The following CNTN4 variants were observed in gnomAD, a reference collection of about 807,000 sequenced individuals.
CNTN4 encodes contactin 4.
CNTN4 carries 77 observed loss-of-function variants against 122.5 expected under a neutral mutation model. The observed-to-expected ratio is 0.63, with a 90% CI of 0.52 to 0.76. The LOEUF (loss-of-function observed/expected upper bound fraction) is 0.76, where lower values mean the gene tolerates loss of function less well. CNTN4 is among the 30% of genes least tolerant of loss of function. The pLI is 0.00. For missense variants in CNTN4, 1,256 were observed against 1,259.1 expected, an observed-to-expected ratio of 1.00 and a Z score of 0.04; for synonymous variants, 512 against 447.0, an observed-to-expected ratio of 1.15 and a Z score of -1.83.
At chr3:2,999,381 C>T (rs953853210) in intron 14 of CNTN4, among the ~76,000 whole-genome samples, 5 of 152,170 alleles carry the variant, frequency 3.3e-5, no homozygotes, top group African/African-American at 1.2e-4. Flanking sequence ...TCACATGTTT[C>T]ACCCTGAAAG....
chr3:2,794,211 A>G (rs769834686), intron 6 of CNTN4, among the ~76,000 whole-genome samples: 3 of 152,222 alleles, frequency 2.0e-5, no homozygotes, highest in Non-Finnish European at 4.4e-5. Context: ...ATGTTTCTAC[A>G]TCTGCAAAAA....
chr3:2,533,988 G>A (rs1373320721), intron 3 of CNTN4, among the ~76,000 whole-genome samples: 3 of 150,306 alleles, frequency 2.0e-5, no homozygotes, highest in African/African-American at 7.4e-5. Context: ...TGAGTTCTTT[G>A]TAGATTCTGG....
Position 2,170,388 on chromosome 3 carries a change from A to T in CNTN4, c.-145+69749A>T, listed in dbSNP as rs186211156. ...TTCACAGAAGAAAGAAATACAAAAA[A>T]ATTAGAAGTAAACTTAGGAAACTTA... On this transcript the variant is annotated intron_variant, in intron 2 of 24. Coordinates refer to ENST00000418658, the MANE Select transcript of CNTN4 (RefSeq NM_175607.3). 1.1e-4 allele frequency among the ~76,000 whole-genome samples: 16 copies of T among 152,304 alleles called. No individual in the cohort carries two copies. The East Asian group carries it at 3.1e-3, about 29-fold the overall frequency.
intron 2 of CNTN4, among the ~76,000 whole-genome samples, chr3:2,236,385 T>C (rs6795508): frequency 0.76 from 116,159 of 152,178 alleles, 44,467 homozygotes; most frequent in Middle Eastern, 0.82. Context: ...TAATGCTTGA[T>C]ATAAAGTCTA....
chr3:2,340,434 T>C (rs913017437), intron 3 of CNTN4, among the ~76,000 whole-genome samples: 21 of 151,700 alleles, frequency 1.4e-4, no homozygotes, highest in African/African-American at 5.1e-4. Flanking sequence ...AAAATATTAG[T>C]ATATAATTCT....
intron 4 of CNTN4, among the ~76,000 whole-genome samples, chr3:2,580,007 A>G (rs2149555110): frequency 6.6e-6 from 1 of 151,516 alleles, no homozygotes; most frequent in African/African-American, 2.4e-5. Flanking sequence ...ATACCTATGC[A>G]GAACAAATAC....
chr3:2,664,432 G>C (rs556306014), intron 4 of CNTN4, among the ~76,000 whole-genome samples: 35 of 151,994 alleles, frequency 2.3e-4, no homozygotes, highest in Admixed American at 9.8e-4. Flanking sequence ...CCTTAAGTAA[G>C]TCTAGATTTT....
intron 8 of CNTN4, among the ~76,000 whole-genome samples, chr3:2,868,936 C>T (rs1334460979): frequency 3.9e-5 from 6 of 151,908 alleles, no homozygotes; most frequent in Non-Finnish European, 5.9e-5. Flanking sequence ...AGCAAGAAAC[C>T]GGCCCTCTTA....
chr3:2,607,035 T>G (rs1453400356), intron 4 of CNTN4, among the ~76,000 whole-genome samples: 1 of 152,188 alleles, frequency 6.6e-6, no homozygotes, highest in Non-Finnish European at 1.5e-5. Context: ...CCCAGGTTTT[T>G]AGGACACATT....
intron 2 of CNTN4, among the ~76,000 whole-genome samples, chr3:2,211,425 A>T (rs1002414372): frequency 2.0e-5 from 3 of 152,154 alleles, no homozygotes; most frequent in African/African-American, 7.2e-5. Context: ...GTAGGTTCAG[A>T]GCAAACTTTT....
At chr3:2,295,416 C>A (rs1241447064) in intron 2 of CNTN4, among the ~76,000 whole-genome samples, 1 of 135,504 alleles carries the variant, frequency 7.4e-6, no homozygotes, top group Non-Finnish European at 1.6e-5. Flanking sequence ...ATTTGCATTT[C>A]TCTGATATCC....
intron 23 of CNTN4, among the ~76,000 whole-genome samples, chr3:3,051,210 AGTAGTCTATAATATTT>A (rs926718045): frequency 6.6e-6 from 1 of 152,180 alleles, no homozygotes; most frequent in African/African-American, 2.4e-5. Context: ...AAATAGTGGA[AGTAGTCTATAATATTT>A]GCTATTATCA....
chr3:2,616,736 A>C lies in CNTN4; in HGVS notation c.55+45178A>C, dbSNP rs116693144. Among the ~76,000 whole-genome samples the C allele has an allele frequency of 5.6e-3, 857 of 152,312 alleles. 6 individuals carry two copies. Among genetic ancestry groups the C allele is most frequent in the African/African-American group, 0.02 (830 of 41,570 alleles). On this transcript the variant is annotated intron_variant, in intron 4 of 24. Coordinates refer to ENST00000418658, the MANE Select transcript of CNTN4 (RefSeq NM_175607.3). Reference sequence around the variant, plus strand: ...GGAGGCATCGTGCTCCCTGACTTCGAACTATACTACAAAGCTACAGTAACG... The same window carrying C: ...GGAGGCATCGTGCTCCCTGACTTCGCACTATACTACAAAGCTACAGTAACG...
intron 4 of CNTN4, among the ~76,000 whole-genome samples, chr3:2,694,692 G>A (rs898260471): frequency 6.6e-5 from 10 of 152,140 alleles, no homozygotes; most frequent in African/African-American, 2.2e-4. Context: ...TCGTGCCACC[G>A]CACTCCAGCC....
intron 2 of CNTN4, among the ~76,000 whole-genome samples, chr3:2,244,756 C>T (rs1462016882): frequency 3.3e-5 from 5 of 151,814 alleles, no homozygotes; most frequent in African/African-American, 4.8e-5. Context: ...AAGTATGACC[C>T]GTCAGGAGAG....
At position 2,359,664 on chromosome 3, in the gene CNTN4, A is replaced by G. The variant is rs528460837; in HGVS notation, c.-89+20431A>G. Among the ~76,000 whole-genome samples the G allele has an allele frequency of 1.2e-4, 18 of 152,154 alleles. No homozygotes were observed. The East Asian group carries it at 2.9e-3, about 25-fold the overall frequency. ...ACGCCATTCTCCTGACTCAGCCTCC[A>G]GAGTAGTTGGGACTACAGGCGCCCA... On this transcript the variant is annotated intron_variant, in intron 3 of 24. Coordinates refer to ENST00000418658, the MANE Select transcript of CNTN4 (RefSeq NM_175607.3).
At chr3:2,139,204 C>G (rs1010780439) in intron 2 of CNTN4, among the ~76,000 whole-genome samples, 7 of 152,064 alleles carry the variant, frequency 4.6e-5, no homozygotes, top group Admixed American at 3.9e-4. Context: ...CATCATACCC[C>G]TAGGCCAAAG....
rs565855382 is a variant in CNTN4 at position 2,591,400 on chromosome 3, T to C, written c.55+19842T>C. ...TTTTTTTTGAGACGGAGTCTCGCTC[T>C]GTCGCCCAGGCTGGAGTGCAGTGGC... On this transcript the variant is annotated intron_variant, in intron 4 of 24. Transcript: ENST00000418658. 1.8e-3 allele frequency among the ~76,000 whole-genome samples: 150 copies of C among 83,726 alleles called. 19 individuals carry two copies. Among genetic ancestry groups the C allele is most frequent in the Admixed American group, 7.5e-3 (48 of 6,374 alleles). 54.9% of individuals were successfully genotyped at this position (83,726 alleles called of 152,430 possible). A position where few individuals can be genotyped will look rare whatever the true frequency, so the allele number is the denominator to read the frequency against.
At position 2,900,047 on chromosome 3, in the gene CNTN4, G is replaced by A. The variant is rs554512325; in HGVS notation, c.941-638G>A. ...ATTATTTTCCTCAAAAATGGCAGGTGGATGTGGAGCTGCTTTGCTCCACAC... is the reference window on the plus strand; with the variant it reads ...ATTATTTTCCTCAAAAATGGCAGGTAGATGTGGAGCTGCTTTGCTCCACAC... On this transcript the variant is annotated intron_variant, in intron 10 of 24. Coordinates refer to ENST00000418658, the MANE Select transcript of CNTN4 (RefSeq NM_175607.3). 3.3e-5 allele frequency among the ~76,000 whole-genome samples: 5 copies of A among 152,282 alleles called. No homozygotes were observed. The South Asian group carries it at 1.0e-3, about 32-fold the overall frequency.
Sources: gnomAD v4.1 joint callset for allele counts (sites outside exome capture counted in the v4.1 genomes callset) on GRCh38, gnomAD v4.1.1 for gene constraint, MANE v1.5 for transcripts, NCBI Gene and HGNC (gene_info 2026-07-23, HGNC 2026-07-21) for gene names.